The following CLVS1 variants were observed in gnomAD, a reference collection of about 807,000 sequenced individuals.
CLVS1 encodes the protein clavesin 1.
CLVS1 carries 10 observed loss-of-function variants against 33.1 expected under a neutral mutation model. The ratio of observed to expected loss-of-function variants is 0.30; its 90% CI spans 0.19 to 0.51. CLVS1 has a LOEUF of 0.51. Ranked by LOEUF, CLVS1 falls within the 20% of genes least tolerant of loss-of-function variation. The pLI is 0.97. For synonymous variants in CLVS1, 163 were observed against 166.1 expected (o/e 0.98, Z 0.14); for missense variants, 343 against 433.4 (o/e 0.79, Z 1.85).
intron 3 of CLVS1, among the ~76,000 whole-genome samples, chr8:61,441,418 A>G (rs1816539780): frequency 6.6e-6 from 1 of 152,144 alleles, no homozygotes; most frequent in Non-Finnish European, 1.5e-5. Context: ...AGATGGAGGG[A>G]GTTCGTTGTA....
At chr8:61,481,186 G>T (rs867047323) in intron 5 of CLVS1, among the ~76,000 whole-genome samples, 2 of 152,130 alleles carry the variant, frequency 1.3e-5, no homozygotes, top group African/African-American at 2.4e-5. Flanking sequence ...ATGTGCAGCT[G>T]TCCATCTCCC....
At chr8:61,129,233 T>C (rs1268430501) in intron 1 of CLVS1, among the ~76,000 whole-genome samples, 1 of 152,254 alleles carries the variant, frequency 6.6e-6, no homozygotes, top group Non-Finnish European at 1.5e-5. Flanking sequence ...TTTATCACAT[T>C]ATCTGTTTTG....
the CLVS1 span, among the ~76,000 whole-genome samples, chr8:61,048,944 G>A: frequency 5.3e-5 from 8 of 152,068 alleles, no homozygotes; most frequent in African/African-American, 1.7e-4. Flanking sequence ...TGGAGAGTAG[G>A]CATTCTTTAA....
chr8:61,403,196 G>A (rs987332909), intron 3 of CLVS1, among the ~76,000 whole-genome samples: 1 of 152,146 alleles, frequency 6.6e-6, no homozygotes, highest in Non-Finnish European at 1.5e-5. Context: ...CAATGCCTTG[G>A]GATGGAATCA....
chr8:61,422,838 G>A (rs1441100623), intron 3 of CLVS1, among the ~76,000 whole-genome samples: 3 of 152,178 alleles, frequency 2.0e-5, no homozygotes, highest in Admixed American at 6.5e-5. Context: ...AAAAGCAGAG[G>A]AAACCTGCTG....
the CLVS1 span, among the ~76,000 whole-genome samples, chr8:61,007,773 T>G: frequency 6.6e-6 from 1 of 152,102 alleles, no homozygotes; most frequent in East Asian, 1.9e-4. Flanking sequence ...CAGTGGCCAT[T>G]TAGTGGACAG....
At chr8:61,112,849 T>A (rs1012470438) in intron 1 of CLVS1, among the ~76,000 whole-genome samples, 4 of 152,180 alleles carry the variant, frequency 2.6e-5, no homozygotes, top group Non-Finnish European at 5.9e-5. Context: ...TGTAAAAGAT[T>A]GGAACAATCA....
intron 2 of CLVS1, among the ~76,000 whole-genome samples, chr8:61,156,967 C>T (rs974251357): frequency 8.5e-5 from 13 of 152,186 alleles, no homozygotes; most frequent in South Asian, 8.3e-4. Flanking sequence ...CAGAGATCTA[C>T]GAAGCACCTT....
At chr8:61,046,748 G>A in the CLVS1 span, among the ~76,000 whole-genome samples, 1 of 151,786 alleles carries the variant, frequency 6.6e-6, no homozygotes, top group African/African-American at 2.4e-5. Flanking sequence ...TCTCTTTGAA[G>A]CAATTGTGAA....
intron 2 of CLVS1, among the ~76,000 whole-genome samples, chr8:61,350,340 C>T (rs1259352657): frequency 2.6e-5 from 4 of 152,158 alleles, no homozygotes; most frequent in Non-Finnish European, 4.4e-5. Flanking sequence ...TAGCGTCTCT[C>T]ACCCAATACA....
At chr8:61,240,665 G>A (rs547937118) in intron 2 of CLVS1, among the ~76,000 whole-genome samples, 1 of 152,232 alleles carries the variant, frequency 6.6e-6, no homozygotes, top group East Asian at 1.9e-4. Flanking sequence ...AATGGTAAAT[G>A]TGTTGTTGGT....
intron 2 of CLVS1, among the ~76,000 whole-genome samples, chr8:61,177,332 C>T (rs1807133079): frequency 6.6e-6 from 1 of 152,204 alleles, no homozygotes. Flanking sequence ...ACTCTGATCT[C>T]ACTGGGCCTG....
chr8:61,372,427 C>T (rs907396004), intron 2 of CLVS1, among the ~76,000 whole-genome samples: 1 of 152,234 alleles, frequency 6.6e-6, no homozygotes, highest in East Asian at 1.9e-4. Context: ...TTATTTACAA[C>T]AATGTTAGAT....
the CLVS1 span, among the ~76,000 whole-genome samples, chr8:61,034,083 C>T: frequency 6.6e-6 from 1 of 152,126 alleles, no homozygotes; most frequent in African/African-American, 2.4e-5. Context: ...GGGCCAGGGT[C>T]ACCTCAATTT....
chr8:60,986,084 G>A, the CLVS1 span, among the ~76,000 whole-genome samples: 1 of 152,168 alleles, frequency 6.6e-6, no homozygotes, highest in East Asian at 1.9e-4. Context: ...CAGTCATAAA[G>A]GTTATCCAAC....
intron 2 of CLVS1, among the ~76,000 whole-genome samples, chr8:61,148,725 A>G (rs1241023682): frequency 6.6e-6 from 1 of 152,194 alleles, no homozygotes; most frequent in East Asian, 1.9e-4. Context: ...AGACTGCTCT[A>G]TCCCACTTTG....
rs556947424 is a variant in CLVS1, at chr8:61,267,855, A to T, written c.-151-31822A>T. 4.6e-5 allele frequency among the ~76,000 whole-genome samples: 7 copies of T among 152,344 alleles called. No individual in the cohort carries two copies. The East Asian group carries it at 1.3e-3, about 29-fold the overall frequency. On this transcript the variant is annotated intron_variant, in intron 2 of 2. Coordinates refer to the CLVS1 transcript ENST00000522621. ...TGTAACTATATTGTCATTTTGAGTT[A>T]ATTTATTTAAGAAAATTCAGCTCAC...
At position 61,500,943 on chromosome 8, in the gene CLVS1, A is replaced by ATCATC. The variant is rs1211847307; in HGVS notation, c.*1404_*1408dup. On this transcript the variant is annotated 3_prime_UTR_variant, in exon 6 of 6. Transcript: ENST00000325897. ...ATTACTAATCTTAATTATTTATTAC[A>ATCATC]TCATCTCTTTCTCAATGGATCTAAT... 1.3e-5 allele frequency: 2 copies of ATCATC among 152,294 alleles called. No homozygotes were observed. Among genetic ancestry groups the ATCATC allele is most frequent in the Non-Finnish European group, 2.9e-5 (2 of 68,012 alleles). 9.4% of individuals were successfully genotyped at this position (152,294 alleles called of 1,614,324 possible).
At chr8:61,410,049 T>C (rs1169636526) in intron 3 of CLVS1, among the ~76,000 whole-genome samples, 2 of 149,924 alleles carry the variant, frequency 1.3e-5, no homozygotes, top group East Asian at 3.9e-4. Flanking sequence ...TCATTTGTCC[T>C]GGCTTTACTT....
Sources: allele counts gnomAD v4.1 joint callset (sites outside exome capture counted in the v4.1 genomes callset), GRCh38; gene constraint gnomAD v4.1.1; transcripts MANE v1.5; gene names NCBI Gene and HGNC (gene_info 2026-07-23, HGNC 2026-07-21).